Variants in COL8A1 observed in about 807,000 individuals in gnomAD.
The protein encoded by COL8A1 is collagen alpha-1(VIII) chain.
Under a neutral mutation model 42.7 loss-of-function variants are expected in COL8A1, and 21 were observed. The observed-to-expected ratio is 0.49, with a 90% confidence interval of 0.35 to 0.71. The LOEUF (loss-of-function observed/expected upper bound fraction) is 0.71. COL8A1 is among the 30% of genes least tolerant of loss of function. The pLI is 0.01. For synonymous variants in COL8A1, 367 were observed against 369.1 expected (o/e 0.99, Z 0.06); for missense variants, 788 against 962.4 (o/e 0.82, Z 2.40).
chr3:99,719,909 T>C (rs974885978), intron 1 of COL8A1, among the ~76,000 whole-genome samples: 2 of 152,094 alleles, frequency 1.3e-5, no homozygotes, highest in Non-Finnish European at 2.9e-5. Context: ...ACTCTGGTCA[T>C]TTCTTCCATT....
chr3:99,671,675 T>A (rs1576423687), intron 1 of COL8A1, among the ~76,000 whole-genome samples: 2 of 151,974 alleles, frequency 1.3e-5, no homozygotes, highest in South Asian at 4.1e-4. Flanking sequence ...GTAACAAGTG[T>A]TACGAAGGAT....
chr3:99,796,148 C>CA lies in COL8A1; in HGVS notation c.*18dup, dbSNP rs749956005. 10 of 1,445,896 alleles carry CA rather than the reference C, an allele frequency of 6.9e-6. No individual in the cohort carries two copies. Among genetic ancestry groups the CA allele is most frequent in the Admixed American group, 2.4e-5 (1 of 41,822 alleles). 89.6% of individuals were successfully genotyped at this position (1,445,896 alleles called of 1,614,324 possible). ...TGTATCCCATGTAAAAACAAAAAAA[C>CA]AAAAAACAAAGAAAAGAAAGAGATT... On this transcript the variant is annotated 3_prime_UTR_variant, in exon 4 of 4. Transcript: ENST00000652472.
At chr3:99,715,474 T>G (rs1939969971) in intron 1 of COL8A1, among the ~76,000 whole-genome samples, 2 of 152,050 alleles carry the variant, frequency 1.3e-5, no homozygotes, top group Non-Finnish European at 2.9e-5. Context: ...TGTAGTGCTC[T>G]TTCCTGAGAC....
At chr3:99,712,229 A>G (rs908042716) in intron 1 of COL8A1, among the ~76,000 whole-genome samples, 3 of 152,180 alleles carry the variant, frequency 2.0e-5, no homozygotes, top group Non-Finnish European at 4.4e-5. Flanking sequence ...TTCAAGTGGT[A>G]CTTTCTTTGA....
rs1941978938 is a variant in COL8A1 at position 99,790,460 on chromosome 3, T to C, written c.-3-220T>C. 2.0e-5 allele frequency among the ~76,000 whole-genome samples: 3 copies of C among 152,232 alleles called. No homozygotes were observed. In the South Asian group the frequency reaches 6.2e-4, roughly 32 times the overall value. On this transcript the variant is annotated intron_variant, in intron 2 of 3. Transcript: ENST00000652472. ...CCAGTAGTCTCTCCCATAGTCTATG[T>C]TCCTACCAATTGCCTTTATTTGACA...
At chr3:99,659,655 G>A (rs1193508244) in intron 1 of COL8A1, among the ~76,000 whole-genome samples, 1 of 152,128 alleles carries the variant, frequency 6.6e-6, no homozygotes, top group Non-Finnish European at 1.5e-5. Flanking sequence ...CCTGAAATTA[G>A]TATTCCTTGT....
intron 2 of COL8A1, among the ~76,000 whole-genome samples, chr3:99,756,281 G>T (rs1391001667): frequency 6.6e-6 from 1 of 152,002 alleles, no homozygotes; most frequent in Non-Finnish European, 1.5e-5. Flanking sequence ...AAGTGAAAAA[G>T]ACTTTTAGTC....
At chr3:99,668,584 A>G (rs1938435421) in intron 1 of COL8A1, among the ~76,000 whole-genome samples, 1 of 152,128 alleles carries the variant, frequency 6.6e-6, no homozygotes, top group South Asian at 2.1e-4. Context: ...AAACTGAGAT[A>G]TGGAAACTAC....
chr3:99,733,528 T>A (rs1940593250), intron 1 of COL8A1, among the ~76,000 whole-genome samples: 1 of 151,896 alleles, frequency 6.6e-6, no homozygotes, highest in African/African-American at 2.4e-5. Context: ...TGTGCCACAT[T>A]TTCTTAATCC....
At chr3:99,733,241 G>A (rs1940579979) in intron 1 of COL8A1, among the ~76,000 whole-genome samples, 1 of 149,370 alleles carries the variant, frequency 6.7e-6, no homozygotes, top group Non-Finnish European at 1.5e-5. Flanking sequence ...CTGGTGTGCT[G>A]CACCCACTAA....
At chr3:99,691,550 C>T (rs1471069125) in intron 1 of COL8A1, 2 of 152,038 alleles carry the variant, frequency 1.3e-5, no homozygotes, top group Non-Finnish European at 2.9e-5. Flanking sequence ...CAGAATCTGC[C>T]TTTTTATAAG....
At chr3:99,792,071 A>G (rs1438048849) in intron 3 of COL8A1, among the ~76,000 whole-genome samples, 1 of 152,174 alleles carries the variant, frequency 6.6e-6, no homozygotes, top group Non-Finnish European at 1.5e-5. Context: ...ACTCTTCCCC[A>G]GATAACTCCT....
chr3:99,678,702 A>G (rs1938775481), intron 1 of COL8A1: 2 of 152,142 alleles, frequency 1.3e-5, no homozygotes, highest in Non-Finnish European at 2.9e-5. Flanking sequence ...AATAGTTACT[A>G]TTGTTGTTGA....
chr3:99,728,267 T>A (rs983962617), intron 1 of COL8A1, among the ~76,000 whole-genome samples: 8 of 152,100 alleles, frequency 5.3e-5, no homozygotes, highest in Non-Finnish European at 8.8e-5. Context: ...CAAAATCTCC[T>A]TAAGCTGATA....
intron 1 of COL8A1, among the ~76,000 whole-genome samples, chr3:99,742,732 C>T (rs114459568): frequency 2.0e-5 from 3 of 152,162 alleles, no homozygotes; most frequent in Admixed American, 6.5e-5. Flanking sequence ...AAAGCAGTTT[C>T]ATCAGCTACC....
intron 1 of COL8A1, among the ~76,000 whole-genome samples, chr3:99,666,725 C>G (rs867680151): frequency 2.0e-5 from 3 of 152,236 alleles, no homozygotes; most frequent in African/African-American, 7.2e-5. Context: ...TTCCTTTGTT[C>G]CCTCACTATT....
At position 99,732,618 on chromosome 3, in the gene COL8A1, C is replaced by T. The variant is rs951704602; in HGVS notation, c.-128-12279C>T. Among the ~76,000 whole-genome samples, 8 of 152,050 alleles carry T rather than the reference C, an allele frequency of 5.3e-5. No homozygotes were observed. In the South Asian group the frequency reaches 1.0e-3, roughly 20 times the overall value. On this transcript the variant is annotated intron_variant, in intron 1 of 3. Transcript: ENST00000652472. ...TCCCTCCCATGACACATGGGGATTA[C>T]GGGAACTATAATTCAAGATGAGATT...
intron 1 of COL8A1, among the ~76,000 whole-genome samples, chr3:99,696,975 A>ATTTTT (rs1559781774): frequency 7.5e-6 from 1 of 133,894 alleles, no homozygotes; most frequent in African/African-American, 2.7e-5. Context: ...AATATACACA[A>ATTTTT]ATTTTTTTTT....
intron 1 of COL8A1, among the ~76,000 whole-genome samples, chr3:99,704,430 A>G (rs1180127955): frequency 2.6e-5 from 4 of 151,424 alleles, no homozygotes; most frequent in Non-Finnish European, 5.9e-5. Flanking sequence ...TTTTTATTAA[A>G]CTTTAAGTTT....
Sources: gnomAD v4.1 joint callset for allele counts (sites outside exome capture counted in the v4.1 genomes callset) on GRCh38, gnomAD v4.1.1 for gene constraint, MANE v1.5 for transcripts, NCBI Gene and HGNC (gene_info 2026-07-23, HGNC 2026-07-21) for gene names.